CEP120: variants seen among roughly 807,000 people sequenced by gnomAD.
The protein encoded by CEP120 is centrosomal protein 120, also known as centrosomal protein of 120 kDa.
A neutral mutation model predicts 126.5 loss-of-function variants in CEP120; 113 were observed. The ratio of observed to expected loss-of-function variants is 0.89; its 90% CI spans 0.77 to 1.04. CEP120 has a LOEUF of 1.04. Among genes scored for constraint, CEP120 ranks in the 50% least tolerant of loss-of-function variants. CEP120 has a pLI of 0.00. For synonymous variants in CEP120, 400 were observed against 394.3 expected (o/e 1.01, Z -0.17); for missense variants, 1,230 against 1,155.7 (o/e 1.06, Z -0.93).
intron 17 of CEP120, among the ~76,000 whole-genome samples, chr5:123,371,167 AC>A (rs1770824756): frequency 6.6e-6 from 1 of 152,032 alleles, no homozygotes; most frequent in Non-Finnish European, 1.5e-5. Flanking sequence ...AACATTTGAA[AC>A]TTTTTTAATG....
chr5:123,418,578 ATG>A (rs1774516766), intron 1 of CEP120, 63 bp from the exon 2 acceptor site: 1 of 1,352,296 alleles, frequency 7.4e-7, no homozygotes, highest in African/African-American at 1.5e-5. Context: ...ATCATTTACC[ATG>A]TGTTTTTTTG....
At chr5:123,390,913 G>A in intron 7 of CEP120, 197 bp downstream of exon 7, 1 of 513,134 alleles carries the variant, frequency 1.9e-6, no homozygotes. Flanking sequence ...AGGCTAAGAG[G>A]GCTCTGGGTA....
chr5:123,413,312 A>G (rs188858876), intron 3 of CEP120, among the ~76,000 whole-genome samples: 428 of 151,960 alleles, frequency 2.8e-3, no homozygotes, highest in African/African-American at 9.4e-3. Context: ...TAAGAAAAAG[A>G]AAAAAGAAAA....
intron 6 of CEP120, among the ~76,000 whole-genome samples, chr5:123,392,500 A>C (rs1462062437): frequency 6.6e-6 from 1 of 152,196 alleles, no homozygotes; most frequent in South Asian, 2.1e-4. Context: ...AGTAATGCTT[A>C]CTAGGTAAGG....
intron 10 of CEP120, 56 bp downstream of exon 10, chr5:123,386,462 A>G: frequency 1.6e-6 from 2 of 1,228,114 alleles, no homozygotes; most frequent in Non-Finnish European, 2.1e-6. Context: ...ATAAAATACA[A>G]ATTTTCAAGA....
chr5:123,349,533 T>C (rs1370073030), intron 19 of CEP120, among the ~76,000 whole-genome samples: 1 of 152,200 alleles, frequency 6.6e-6, no homozygotes, highest in Non-Finnish European at 1.5e-5. Context: ...CAAAAATAAA[T>C]TTTAAAGTAG....
At chr5:123,380,736 C>T (rs561898087) in intron 14 of CEP120, among the ~76,000 whole-genome samples, 19 of 152,150 alleles carry the variant, frequency 1.2e-4, no homozygotes, top group African/African-American at 4.1e-4. Flanking sequence ...AGGATAAACT[C>T]ATCTTGTCTT....
chr5:123,403,785 G>A (rs1290519891), intron 4 of CEP120: 1 of 368,866 alleles, frequency 2.7e-6, no homozygotes, highest in Non-Finnish European at 5.2e-6. Context: ...ACAAACTCAA[G>A]TCATGAAACA....
At chr5:123,389,751 C>T (rs372182757) in intron 8 of CEP120, among the ~76,000 whole-genome samples, 173 bp downstream of exon 8, 110 of 152,302 alleles carry the variant, frequency 7.2e-4, no homozygotes, top group African/African-American at 2.6e-3. Context: ...CCACCTGCCT[C>T]GGTCTTCCAA....
chr5:123,349,032 C>T (rs1250929405), intron 19 of CEP120, among the ~76,000 whole-genome samples: 1 of 152,050 alleles, frequency 6.6e-6, no homozygotes, highest in Non-Finnish European at 1.5e-5. Context: ...ATACTAGACC[C>T]TTGATAAACT....
chr5:123,394,020 A>C (rs1772588590), intron 5 of CEP120, among the ~76,000 whole-genome samples: 1 of 152,226 alleles, frequency 6.6e-6, no homozygotes, highest in African/African-American at 2.4e-5. Context: ...TACCTTTTGT[A>C]CTATGAGTGT....
intron 1 of CEP120, 83 bp from the exon 2 acceptor site, chr5:123,418,598 GGTTT>G: frequency 8.9e-7 from 1 of 1,127,492 alleles, no homozygotes; most frequent in Non-Finnish European, 1.2e-6. Flanking sequence ...TTGTTTGGCT[GGTTT>G]TTTTTTTTTT....
Position 123,378,852 on chromosome 5 carries a change from T to C in CEP120, c.2104-424A>G, listed in dbSNP as rs554512036. On this transcript the variant is annotated intron_variant, in intron 14 of 19. Coordinates refer to ENST00000306467, the MANE Select transcript of CEP120 (RefSeq NM_001375405.1). ...TGCGTGTGGTGGGTGTCTTGGTGTATATAATGCCAAGAGAGTGAATGACAT... is the reference window on the plus strand; with the variant it reads ...TGCGTGTGGTGGGTGTCTTGGTGTACATAATGCCAAGAGAGTGAATGACAT... 4.6e-5 allele frequency among the ~76,000 whole-genome samples: 7 copies of C among 151,960 alleles called. No individual in the cohort carries two copies. In the East Asian group the frequency reaches 1.2e-3, roughly 25 times the overall value.
chr5:123,404,497 T>C (rs550404469), intron 4 of CEP120, among the ~76,000 whole-genome samples: 84 of 152,218 alleles, frequency 5.5e-4, no homozygotes, highest in African/African-American at 2.0e-3. Context: ...TAGTATTGCA[T>C]TGGAAGAGCG....
intron 4 of CEP120, among the ~76,000 whole-genome samples, chr5:123,399,676 A>G (rs1773045861): frequency 6.6e-6 from 1 of 152,216 alleles, no homozygotes. Flanking sequence ...GTATGTACAA[A>G]AACACAGAAG....
In CEP120 at chr5:123,386,616, A is replaced by G. The variant is rs1296113568; in HGVS notation, c.1482T>C (p.Pro494=). The change falls in exon 10 of 20, where the codon CCT becomes CCC. Residue 494 remains proline, a synonymous_variant. Transcript: ENST00000306467. ...CTTCCATGTTTTTCCGAACTTCTACAGGAGGATTAGTCATAATAGGAGCTG... is the reference window on the plus strand; with the variant it reads ...CTTCCATGTTTTTCCGAACTTCTACGGGAGGATTAGTCATAATAGGAGCTG... The part of the protein sequence containing the change: ...GSAAPIMTNP[P]VEVRKNMEVF... The G allele has an allele frequency of 6.3e-7, 1 of 1,591,898 alleles. No homozygotes were observed. The highest frequency in any genetic ancestry group is 8.6e-7 in the Non-Finnish European group (1 of 1,169,456).
intron 18 of CEP120, among the ~76,000 whole-genome samples, chr5:123,358,833 C>G (rs1218545574): frequency 6.6e-6 from 1 of 151,948 alleles, no homozygotes; most frequent in Non-Finnish European, 1.5e-5. Context: ...GAGATGTAAA[C>G]ATACATACAC....
rs1772537722 is a variant in CEP120, at chr5:123,393,445, T to C, written c.665A>G (p.Tyr222Cys). The change falls in exon 6 of 20, where the codon TAC becomes TGC. Residue 222 changes from tyrosine to cysteine, a missense_variant. Coordinates refer to ENST00000306467, the MANE Select transcript of CEP120 (RefSeq NM_001375405.1). ...AACATCATTTCCCAGTAAAGAGTAG[T>C]AAAAGAAAAACTCAGGCTGTCTTTC... ...LPERQPEFFF[Y>C]YSLLGNDVTN... 4 of 1,613,986 alleles carry C rather than the reference T, an allele frequency of 2.5e-6. No homozygotes were observed. The Admixed American group carries it at 5.0e-5, about 20-fold the overall frequency.
intron 4 of CEP120, among the ~76,000 whole-genome samples, chr5:123,411,344 A>T (rs899663674): frequency 1.3e-5 from 2 of 152,200 alleles, no homozygotes; most frequent in Non-Finnish European, 2.9e-5. Flanking sequence ...TACCCAAATG[A>T]ACTGAAAACT....
Sources: gnomAD v4.1 joint callset for allele counts (sites outside exome capture counted in the v4.1 genomes callset) on GRCh38, gnomAD v4.1.1 for gene constraint, MANE v1.5 for transcripts, NCBI Gene and HGNC (gene_info 2026-07-23, HGNC 2026-07-21) for gene names.